CLEC16A: variants seen among roughly 807,000 people sequenced by gnomAD.
CLEC16A encodes C-type lectin domain containing 16A.
In CLEC16A, 51 loss-of-function variants were observed where a neutral mutation model predicts 109.5. The ratio of observed to expected loss-of-function variants is 0.47; its 90% CI spans 0.37 to 0.59. CLEC16A has a LOEUF of 0.59. Ranked by LOEUF, CLEC16A falls within the 20% of genes least tolerant of loss-of-function variation. CLEC16A has a pLI of 0.00. For synonymous variants in CLEC16A, 673 were observed against 564.2 expected (o/e 1.19, Z -2.73); for missense variants, 1,339 against 1,394.0 (o/e 0.96, Z 0.63).
intron 11 of CLEC16A, among the ~76,000 whole-genome samples, chr16:11,005,768 G>C (rs568726438): frequency 1.0e-3 from 154 of 152,266 alleles, no homozygotes; most frequent in African/African-American, 3.6e-3. Flanking sequence ...AAGGGTGTCA[G>C]GCACATTTCT....
chr16:11,003,298 G>T lies in CLEC16A; in HGVS notation c.1296G>T (p.Glu432Asp). ...GGSKGIKTSG[E>D]SEEIEMVIME... ...CAAAAGGCATCAAGACGAGTGGGGA[G>T]AGTGAAGGTGAGTGTCCCCATGAAC... Residue 432 changes from glutamate to aspartate, a missense_variant, in exon 11 of 24, where the codon GAG (glutamate) becomes GAT (aspartate). Physicochemically the swap from Glu to Asp is conservative, Grantham distance 45 (BLOSUM62 2). This residue lies in a region of CLEC16A where 1,061 missense variants were observed against 1,006.8 expected (regional missense o/e 1.05). Coordinates refer to ENST00000409790, the MANE Select transcript of CLEC16A (RefSeq NM_015226.3). 1.2e-6 allele frequency: 2 copies of T among 1,610,500 alleles called. No individual in the cohort carries two copies. The highest frequency in any genetic ancestry group is 1.7e-6 in the Non-Finnish European group (2 of 1,178,534).
intron 8 of CLEC16A, among the ~76,000 whole-genome samples, chr16:10,979,036 A>G (rs1178257276): frequency 6.6e-6 from 1 of 151,930 alleles, no homozygotes; most frequent in East Asian, 1.9e-4. Flanking sequence ...AGCTGGTACA[A>G]ATGAACGTGC....
intron 1 of CLEC16A, among the ~76,000 whole-genome samples, chr16:10,947,909 T>C (rs57493852): frequency 0.19 from 28,252 of 152,072 alleles, 2,874 homozygotes; most frequent in South Asian, 0.3. Context: ...CTTTTTTTTT[T>C]TGAGATAAGA....
At chr16:11,073,876 A>G (rs1221825669) in intron 19 of CLEC16A, among the ~76,000 whole-genome samples, 1 of 152,270 alleles carries the variant, frequency 6.6e-6, no homozygotes, top group African/African-American at 2.4e-5. Context: ...ACACTGAAGG[A>G]CTTTCATTAA....
intron 11 of CLEC16A, among the ~76,000 whole-genome samples, chr16:11,013,489 G>T (rs1044876193): frequency 1.3e-5 from 2 of 152,166 alleles, no homozygotes; most frequent in Non-Finnish European, 2.9e-5. Flanking sequence ...ATGAGGCCAG[G>T]TGTGCTGGCT....
rs370305113 is a variant in CLEC16A, at chr16:11,003,234, A to G, written c.1232A>G (p.Gln411Arg). The G allele has an allele frequency of 3.1e-6, 5 of 1,613,226 alleles. No individual in the cohort carries two copies. Among genetic ancestry groups the G allele is most frequent in the Admixed American group, 3.3e-5 (2 of 59,992 alleles). The change falls in exon 11 of 24, where the codon CAA (glutamine) becomes CGA (arginine). Residue 411 changes from glutamine (Q) to arginine (R), a missense_variant. This residue lies in a region of CLEC16A where 1,061 missense variants were observed against 1,006.8 expected (regional missense o/e 1.05). Coordinates refer to ENST00000409790, the MANE Select transcript of CLEC16A (RefSeq NM_015226.3). ...DEEKGPTEDAQEDAEKAKGTE... is the reference protein window; with the variant it reads ...DEEKGPTEDAREDAEKAKGTE... ...GAGAAAGGGCCCACCGAGGATGCCC[A>G]AGAAGACGCCGAGAAGGCTAAAGGT... is the stretch of plus-strand genomic sequence containing the variant.
intron 21 of CLEC16A, among the ~76,000 whole-genome samples, chr16:11,124,845 G>A (rs537355804): frequency 2.6e-5 from 4 of 152,126 alleles, no homozygotes; most frequent in South Asian, 4.1e-4. Flanking sequence ...TCAGCACTTC[G>A]GGAGGCCAAG....
At chr16:11,158,340 G>A (rs1163241089) in intron 22 of CLEC16A, among the ~76,000 whole-genome samples, 2 of 152,304 alleles carry the variant, frequency 1.3e-5, no homozygotes, top group East Asian at 3.9e-4. Context: ...CAGAGACTGT[G>A]GAAAATGCAC....
At chr16:11,164,834 A>AGGT (rs2054848375) in intron 22 of CLEC16A, among the ~76,000 whole-genome samples, 2 of 152,232 alleles carry the variant, frequency 1.3e-5, no homozygotes, top group Admixed American at 1.3e-4. Flanking sequence ...GTTTCAAGAA[A>AGGT]GGTGAGGTCA....
At chr16:11,007,670 A>T (rs999841317) in intron 11 of CLEC16A, among the ~76,000 whole-genome samples, 1 of 152,156 alleles carries the variant, frequency 6.6e-6, no homozygotes, top group African/African-American at 2.4e-5. Context: ...CTCGAACAGC[A>T]ATTTGAGTGT....
At chr16:11,091,439 C>T (rs760888768) in intron 19 of CLEC16A, among the ~76,000 whole-genome samples, 1 of 152,156 alleles carries the variant, frequency 6.6e-6, no homozygotes, top group African/African-American at 2.4e-5. Context: ...TGATTCACCT[C>T]GTAGGGCGGG....
chr16:11,101,320 C>T (rs985084590), intron 19 of CLEC16A, among the ~76,000 whole-genome samples: 1 of 152,156 alleles, frequency 6.6e-6, no homozygotes, highest in African/African-American at 2.4e-5. Flanking sequence ...CCCCACCCTC[C>T]GCAGCCTCAC....
intron 18 of CLEC16A, 111 bp from the exon 19 acceptor site, chr16:11,060,791 C>A (rs187375539): frequency 8.7e-7 from 1 of 1,144,102 alleles, no homozygotes; most frequent in Non-Finnish European, 1.2e-6. Flanking sequence ...GGCTTTATTG[C>A]GTTTCTTTCT....
At chr16:11,149,611 GCAAAA>G (rs775725054) in intron 22 of CLEC16A, among the ~76,000 whole-genome samples, 2 of 152,006 alleles carry the variant, frequency 1.3e-5, no homozygotes, top group South Asian at 2.1e-4. Context: ...GAGCAACATG[GCAAAA>G]CCCCATCTCC....
intron 22 of CLEC16A, among the ~76,000 whole-genome samples, chr16:11,154,002 C>T (rs953308802): frequency 1.3e-5 from 2 of 152,190 alleles, no homozygotes; most frequent in African/African-American, 4.8e-5. Context: ...TATTTCTAAG[C>T]ATTTTGTTGA....
At chr16:11,125,916 A>G in intron 21 of CLEC16A, 63 bp from the exon 22 acceptor site, 5 of 168,794 alleles carry the variant, frequency 3.0e-5, no homozygotes, top group Non-Finnish European at 3.3e-5. Flanking sequence ...CCCCCCCCCA[A>G]ATTCTCACCA....
intron 19 of CLEC16A, among the ~76,000 whole-genome samples, chr16:11,118,870 T>C (rs1374778630): frequency 6.6e-6 from 1 of 152,228 alleles, no homozygotes; most frequent in Non-Finnish European, 1.5e-5. Flanking sequence ...TCCGGTTTTC[T>C]CAGCACCATT....
intron 1 of CLEC16A, among the ~76,000 whole-genome samples, chr16:10,956,793 C>CTTAG (rs2042010356): frequency 6.6e-6 from 1 of 151,756 alleles, no homozygotes; most frequent in Non-Finnish European, 1.5e-5. Flanking sequence ...CTCTGCAGCC[C>CTTAG]TTATTTATTT....
chr16:11,160,474 G>A (rs41367), intron 22 of CLEC16A, among the ~76,000 whole-genome samples: 106,501 of 151,860 alleles, frequency 0.7, 38,647 homozygotes, highest in African/African-American at 0.88. Flanking sequence ...TGTTTCATAA[G>A]CCCTAGGTGG....
Sources: gnomAD v4.1 joint callset for allele counts (sites outside exome capture counted in the v4.1 genomes callset) on GRCh38, gnomAD v4.1.1 for gene constraint, gnomAD v4.1.1 regional missense constraint, MANE v1.5 for transcripts, NCBI Gene and HGNC (gene_info 2026-07-23, HGNC 2026-07-21) for gene names.